The following CADM2 variants were observed in gnomAD, a reference collection of about 807,000 sequenced individuals.
CADM2 encodes cell adhesion molecule 2.
Under a neutral mutation model 49.8 loss-of-function variants are expected in CADM2, and 12 were observed. The ratio of observed to expected loss-of-function variants is 0.24; its 90% confidence interval spans 0.15 to 0.39. The LOEUF is 0.39. Ranked by LOEUF, CADM2 falls within the 10% of genes least tolerant of loss-of-function variation. The pLI, the probability that CADM2 is intolerant of heterozygous loss-of-function variation, is 1.00. For missense variants in CADM2, 378 were observed against 492.3 expected (o/e 0.77, Z 2.20); for synonymous variants, 214 against 175.4 (o/e 1.22, Z -1.74).
At chr3:85,626,056 T>C (rs2064122934) in intron 1 of CADM2, among the ~76,000 whole-genome samples, 1 of 152,032 alleles carries the variant, frequency 6.6e-6, no homozygotes. Context: ...TTAGTAAGAA[T>C]TAATATTTTT....
intron 1 of CADM2, among the ~76,000 whole-genome samples, chr3:85,671,360 A>G (rs141693463): frequency 2.7e-4 from 41 of 152,258 alleles, no homozygotes; most frequent in African/African-American, 9.4e-4. Context: ...TTCTCCCATA[A>G]CTGTAATTGC....
chr3:85,088,408 A>T (rs1446644099), intron 1 of CADM2, among the ~76,000 whole-genome samples: 1 of 152,158 alleles, frequency 6.6e-6, no homozygotes, highest in African/African-American at 2.4e-5. Flanking sequence ...TAGTATTTGT[A>T]ATAAGCAAAA....
chr3:85,631,441 A>T (rs1430927947), intron 1 of CADM2, among the ~76,000 whole-genome samples: 1 of 152,118 alleles, frequency 6.6e-6, no homozygotes, highest in Admixed American at 6.6e-5. Flanking sequence ...AATAACATTC[A>T]TGTATTGAAA....
intron 1 of CADM2, among the ~76,000 whole-genome samples, chr3:85,438,484 T>C (rs1394224968): frequency 6.6e-6 from 1 of 152,138 alleles, no homozygotes; most frequent in African/African-American, 2.4e-5. Context: ...TGGGCAGTCA[T>C]AGATTTTCAC....
chr3:85,390,405 A>T (rs2034461098), intron 1 of CADM2, among the ~76,000 whole-genome samples: 1 of 152,026 alleles, frequency 6.6e-6, no homozygotes, highest in African/African-American at 2.4e-5. Flanking sequence ...GTAAAATCAC[A>T]CATTTCTGTC....
At chr3:85,031,720 CA>C (rs2034993514) in intron 1 of CADM2, among the ~76,000 whole-genome samples, 1 of 151,726 alleles carries the variant, frequency 6.6e-6, no homozygotes, top group Admixed American at 6.6e-5. Flanking sequence ...CGGGGTTTCA[CA>C]GTGTTAGCCA....
intron 1 of CADM2, among the ~76,000 whole-genome samples, chr3:85,488,409 G>A (rs2039519983): frequency 6.6e-6 from 1 of 152,268 alleles, no homozygotes; most frequent in African/African-American, 2.4e-5. Context: ...AAACATGGTA[G>A]CCGTGATGGG....
intron 1 of CADM2, among the ~76,000 whole-genome samples, chr3:85,422,932 T>C (rs1186147426): frequency 6.6e-6 from 1 of 152,072 alleles, no homozygotes; most frequent in Non-Finnish European, 1.5e-5. Context: ...GAAGAGTCAG[T>C]GTGACAGCCT....
chr3:85,787,790 T>G (rs1267727396), intron 2 of CADM2, among the ~76,000 whole-genome samples: 1 of 152,116 alleles, frequency 6.6e-6, no homozygotes, highest in East Asian at 1.9e-4. Flanking sequence ...TGTAAGCTCC[T>G]TATTATAACC....
chr3:86,027,681 A>T (rs1390065413), intron 8 of CADM2, among the ~76,000 whole-genome samples: 2 of 152,202 alleles, frequency 1.3e-5, no homozygotes, highest in African/African-American at 4.8e-5. Flanking sequence ...TGATTTTATC[A>T]TATTAAATGT....
At chr3:84,986,878 C>G (rs76214943) in intron 1 of CADM2, among the ~76,000 whole-genome samples, 1 of 151,384 alleles carries the variant, frequency 6.6e-6, no homozygotes, top group African/African-American at 2.4e-5. Flanking sequence ...ATGGAGAAAC[C>G]CCGTCTCTAC....
intron 3 of CADM2, among the ~76,000 whole-genome samples, chr3:85,835,067 A>G (rs1280795900): frequency 6.6e-6 from 1 of 151,612 alleles, no homozygotes; most frequent in Non-Finnish European, 1.5e-5. Context: ...ATGATAAGAT[A>G]AAAGAGTAAA....
At chr3:85,084,166 A>G (rs2037283360) in intron 1 of CADM2, among the ~76,000 whole-genome samples, 1 of 152,168 alleles carries the variant, frequency 6.6e-6, no homozygotes, top group South Asian at 2.1e-4. Flanking sequence ...TTGTAAGTCA[A>G]TGCTAATAGC....
At chr3:85,266,204 G>A (rs1466248279) in intron 1 of CADM2, among the ~76,000 whole-genome samples, 2 of 151,786 alleles carry the variant, frequency 1.3e-5, no homozygotes, top group African/African-American at 4.8e-5. Flanking sequence ...AAAAATATTT[G>A]CTATTTCCCA....
chr3:85,453,751 A>T (rs1474295067), intron 1 of CADM2, among the ~76,000 whole-genome samples: 1 of 152,192 alleles, frequency 6.6e-6, no homozygotes, highest in Non-Finnish European at 1.5e-5. Flanking sequence ...ATTGTATGAA[A>T]TAATTAGATT....
chr3:85,090,080 G>T (rs1469163978), intron 1 of CADM2, among the ~76,000 whole-genome samples: 1 of 151,734 alleles, frequency 6.6e-6, no homozygotes, highest in Non-Finnish European at 1.5e-5. Flanking sequence ...GGAATCAGAA[G>T]AAATTTACAT....
At chr3:85,751,959 T>C (rs1354179546) in intron 2 of CADM2, among the ~76,000 whole-genome samples, 1 of 152,108 alleles carries the variant, frequency 6.6e-6, no homozygotes, top group East Asian at 1.9e-4. Context: ...TTCTTAGAAA[T>C]GATTTTAGAT....
At chr3:84,996,407 G>A (rs1319082227) in intron 1 of CADM2, among the ~76,000 whole-genome samples, 5 of 151,850 alleles carry the variant, frequency 3.3e-5, no homozygotes, top group Non-Finnish European at 7.4e-5. Context: ...TGTATAAAAG[G>A]AATTTTATTA....
rs190610905 is a variant in CADM2 at position 85,640,004 on chromosome 3, C to T, written c.62-86518C>T. Among the ~76,000 whole-genome samples, 819 of 151,938 alleles carry T rather than the reference C, an allele frequency of 5.4e-3. 4 individuals carry two copies. Among genetic ancestry groups the T allele is most frequent in the Non-Finnish European group, 9.0e-3 (612 of 67,854 alleles). On this transcript the variant is annotated intron_variant, in intron 1 of 9. Transcript: ENST00000383699. Reference sequence around the variant, plus strand: ...CAGTTTTATTTATTACCATTTTTTTCCTTCATCACTTCAAAGCATGTCTAA... The same window carrying T: ...CAGTTTTATTTATTACCATTTTTTTTCTTCATCACTTCAAAGCATGTCTAA...
Sources: gnomAD v4.1 joint callset for allele counts (sites outside exome capture counted in the v4.1 genomes callset) on GRCh38, gnomAD v4.1.1 for gene constraint, MANE v1.5 for transcripts, NCBI Gene and HGNC (gene_info 2026-07-23, HGNC 2026-07-21) for gene names.